SGCZ: variants seen among roughly 807,000 people sequenced by gnomAD.
The protein encoded by SGCZ is sarcoglycan zeta, also known as zeta-sarcoglycan.
In SGCZ, 40 loss-of-function variants were observed where a neutral mutation model predicts 41.3. The observed-to-expected ratio is 0.97, with a 90% CI of 0.75 to 1.26. SGCZ has a LOEUF of 1.26. Among genes scored for constraint, SGCZ ranks in the 50% most tolerant of loss-of-function variants. The pLI is 0.00. For missense variants in SGCZ, 552 were observed against 369.8 expected, an observed-to-expected ratio of 1.49 and a Z score of -4.04; for synonymous variants, 206 against 137.5, an observed-to-expected ratio of 1.50 and a Z score of -3.49.
chr8:14,137,595 T>C (rs1803240565), intron 5 of SGCZ, among the ~76,000 whole-genome samples: 1 of 151,974 alleles, frequency 6.6e-6, no homozygotes. Context: ...GAAAACCAAA[T>C]AAATGACATG....
At chr8:15,016,543 C>A (rs916979171) in intron 1 of SGCZ, among the ~76,000 whole-genome samples, 1 of 152,176 alleles carries the variant, frequency 6.6e-6, no homozygotes. Context: ...AGACCAGGAA[C>A]GCACTGTTAT....
intron 1 of SGCZ, among the ~76,000 whole-genome samples, chr8:14,789,488 CTG>C (rs1236974743): frequency 3.9e-5 from 6 of 152,168 alleles, no homozygotes; most frequent in African/African-American, 1.2e-4. Flanking sequence ...TGAAGATCAA[CTG>C]TGTTAGTTTC....
chr8:14,748,023 T>C (rs1286636923), intron 1 of SGCZ, among the ~76,000 whole-genome samples: 1 of 151,954 alleles, frequency 6.6e-6, no homozygotes, highest in Non-Finnish European at 1.5e-5. Context: ...ATCATGTTTT[T>C]AAAATGAAAA....
chr8:14,834,010 T>C (rs1345744630), intron 1 of SGCZ, among the ~76,000 whole-genome samples: 1 of 152,130 alleles, frequency 6.6e-6, no homozygotes, highest in Non-Finnish European at 1.5e-5. Context: ...ATTCCTAAAA[T>C]AGTATAATTG....
chr8:14,350,748 CCT>C (rs1276332501), intron 2 of SGCZ, among the ~76,000 whole-genome samples: 11 of 152,054 alleles, frequency 7.2e-5, no homozygotes, highest in Admixed American at 2.0e-4. Context: ...TCTTGAAAGC[CCT>C]CTCTGTTAAT....
chr8:14,968,436 G>A (rs908550154), intron 1 of SGCZ, among the ~76,000 whole-genome samples: 2 of 151,924 alleles, frequency 1.3e-5, no homozygotes, highest in South Asian at 2.1e-4. Flanking sequence ...ATCCCCAAAC[G>A]GATCAACTTT....
intron 1 of SGCZ, among the ~76,000 whole-genome samples, chr8:14,669,723 CACA>C (rs1252156635): frequency 1.3e-5 from 2 of 151,220 alleles, no homozygotes; most frequent in Non-Finnish European, 3.0e-5. Context: ...CACACACACA[CACA>C]CACACAATAT....
intron 5 of SGCZ, among the ~76,000 whole-genome samples, chr8:14,138,356 G>A (rs1276349108): frequency 1.3e-5 from 2 of 152,068 alleles, no homozygotes; most frequent in Admixed American, 6.5e-5. Flanking sequence ...AAATGTAAAT[G>A]GGCTAAATGC....
At chr8:14,146,890 A>AAAAAAAAAAAAAAAAAT (rs1182329393) in intron 5 of SGCZ, among the ~76,000 whole-genome samples, 1 of 116,186 alleles carries the variant, frequency 8.6e-6, no homozygotes, top group Non-Finnish European at 1.8e-5. Context: ...AAAATAAAAA[A>AAAAAAAAAAAAAAAAAT]AATAATAATA....
chr8:15,162,086 G>T (rs1487950560), intron 1 of SGCZ, among the ~76,000 whole-genome samples: 4 of 152,168 alleles, frequency 2.6e-5, no homozygotes, highest in African/African-American at 9.7e-5. Context: ...GTTTCTTAAA[G>T]AATTTTAATC....
chr8:15,049,737 T>A (rs975894640), intron 1 of SGCZ, among the ~76,000 whole-genome samples: 1 of 152,118 alleles, frequency 6.6e-6, no homozygotes, highest in African/African-American at 2.4e-5. Context: ...AATCCCCAGA[T>A]GTCAAGAGCA....
chr8:15,062,190 T>C (rs1044827778), intron 1 of SGCZ, among the ~76,000 whole-genome samples: 2 of 152,142 alleles, frequency 1.3e-5, no homozygotes, highest in African/African-American at 4.8e-5. Flanking sequence ...TTTAAAAGCA[T>C]TAAGTTTTTA....
At chr8:15,032,894 C>T (rs1803731782) in intron 1 of SGCZ, among the ~76,000 whole-genome samples, 2 of 152,098 alleles carry the variant, frequency 1.3e-5, no homozygotes, top group Non-Finnish European at 2.9e-5. Flanking sequence ...CCCTGTGGCC[C>T]CAGGCTCCAG....
intron 4 of SGCZ, among the ~76,000 whole-genome samples, chr8:14,180,212 A>G (rs1319871275): frequency 6.6e-6 from 1 of 152,184 alleles, no homozygotes; most frequent in Non-Finnish European, 1.5e-5. Flanking sequence ...TAAAAGGGTG[A>G]GGGCGAGTTG....
At chr8:14,287,967 G>T (rs534147198) in intron 3 of SGCZ, among the ~76,000 whole-genome samples, 1 of 152,070 alleles carries the variant, frequency 6.6e-6, no homozygotes, top group South Asian at 2.1e-4. Flanking sequence ...CAGAAATTCT[G>T]GTTTGTTAGC....
chr8:14,474,443 T>G (rs1198184735), intron 2 of SGCZ, among the ~76,000 whole-genome samples: 1 of 152,206 alleles, frequency 6.6e-6, no homozygotes, highest in African/African-American at 2.4e-5. Context: ...AAAGTGATGC[T>G]AAAAATTAGT....
chr8:14,138,848 A>G (rs1159236323), intron 5 of SGCZ, among the ~76,000 whole-genome samples: 1 of 152,176 alleles, frequency 6.6e-6, no homozygotes, highest in Non-Finnish European at 1.5e-5. Flanking sequence ...GACCTAATAG[A>G]CATCTACAGA....
chr8:15,113,214 A>G (rs1024508044), intron 1 of SGCZ, among the ~76,000 whole-genome samples: 2 of 151,980 alleles, frequency 1.3e-5, no homozygotes, highest in African/African-American at 4.8e-5. Flanking sequence ...GCTCAAAAAA[A>G]AAAAAAAACA....
At chr8:14,108,021 C>CCTAT (rs1263287246) in intron 6 of SGCZ, 142 bp downstream of exon 6, 7 of 690,046 alleles carry the variant, frequency 1.0e-5, no homozygotes, top group Non-Finnish European at 1.2e-5. Flanking sequence ...CCACATTCTT[C>CCTAT]CTATCTAATA....
Sources: allele counts gnomAD v4.1 joint callset (sites outside exome capture counted in the v4.1 genomes callset), GRCh38; gene constraint gnomAD v4.1.1; transcripts MANE v1.5; gene names NCBI Gene and HGNC (gene_info 2026-07-23, HGNC 2026-07-21).